Variants in ARHGAP39 observed in about 807,000 individuals in gnomAD.
ARHGAP39 encodes Rho GTPase activating protein 39, also known as rho GTPase-activating protein 39.
Under a neutral mutation model 106.9 loss-of-function variants are expected in ARHGAP39, and 44 were observed. The observed-to-expected ratio is 0.41, with a 90% CI of 0.32 to 0.53. ARHGAP39 has a LOEUF of 0.53. Ranked by LOEUF, ARHGAP39 falls within the 20% of genes least tolerant of loss-of-function variation. The pLI is 0.21. For missense variants in ARHGAP39, 1,496 were observed against 1,577.3 expected (o/e 0.95, Z 0.87); for synonymous variants, 768 against 693.2 (o/e 1.11, Z -1.69).
intron 3 of ARHGAP39, among the ~76,000 whole-genome samples, chr8:144,578,758 G>T (rs1416633270): frequency 6.6e-6 from 1 of 152,062 alleles, no homozygotes; most frequent in Non-Finnish European, 1.5e-5. Context: ...GTCTGAGGTG[G>T]GAGGTCACTG....
At chr8:144,572,996 T>G (rs1818638506) in intron 3 of ARHGAP39, among the ~76,000 whole-genome samples, 1 of 151,900 alleles carries the variant, frequency 6.6e-6, no homozygotes, top group African/African-American at 2.4e-5. Flanking sequence ...GATGTCCCAC[T>G]GTTGGTGGGA....
At chr8:144,650,126 G>C (rs113585468) in intron 1 of ARHGAP39, among the ~76,000 whole-genome samples, 21 of 151,736 alleles carry the variant, frequency 1.4e-4, no homozygotes, top group African/African-American at 4.4e-4. Flanking sequence ...CTGGGCAATA[G>C]AGCAAGACTC....
intron 1 of ARHGAP39, among the ~76,000 whole-genome samples, chr8:144,682,607 T>C (rs1047451979): frequency 4.6e-5 from 7 of 152,058 alleles, no homozygotes; most frequent in African/African-American, 1.7e-4. Flanking sequence ...GGCAGAATGT[T>C]ACACTGCTGG....
intron 1 of ARHGAP39, among the ~76,000 whole-genome samples, chr8:144,653,384 A>AT (rs1489399453): frequency 6.6e-6 from 1 of 152,220 alleles, no homozygotes; most frequent in Non-Finnish European, 1.5e-5. Context: ...CAGAAACTAC[A>AT]AACAGTAAAA....
At chr8:144,598,698 A>G (rs1819724450) in intron 2 of ARHGAP39, among the ~76,000 whole-genome samples, 2 of 152,236 alleles carry the variant, frequency 1.3e-5, no homozygotes, top group Non-Finnish European at 2.9e-5. Flanking sequence ...TCAGCCCATG[A>G]GCAGGTGCCA....
intron 8 of ARHGAP39, among the ~76,000 whole-genome samples, chr8:144,533,902 T>A (rs1335698793): frequency 1.3e-5 from 2 of 152,030 alleles, no homozygotes; most frequent in Non-Finnish European, 2.9e-5. Flanking sequence ...TTGCCTGCCT[T>A]GCTCCTGAGC....
chr8:144,673,192 G>C (rs1403571369), intron 1 of ARHGAP39, among the ~76,000 whole-genome samples: 1 of 151,160 alleles, frequency 6.6e-6, no homozygotes, highest in Non-Finnish European at 1.5e-5. Context: ...CCCCTAGCCT[G>C]GGTGATAGAT....
chr8:144,639,776 CAA>C (rs1821264954), intron 1 of ARHGAP39, among the ~76,000 whole-genome samples: 2 of 152,134 alleles, frequency 1.3e-5, no homozygotes, highest in Admixed American at 1.3e-4. Flanking sequence ...ACAGGCCTCT[CAA>C]TGTCACCCTG....
chr8:144,687,585 C>CT (rs1822644407), upstream of ARHGAP39, among the ~76,000 whole-genome samples: 5 of 75,450 alleles, frequency 6.6e-5, 1 homozygote, highest in Admixed American at 1.1e-4. Flanking sequence ...GTTCCCACCC[C>CT]GTGACCACAC....
At chr8:144,540,561 G>A (rs1817147713) in intron 6 of ARHGAP39, among the ~76,000 whole-genome samples, 1 of 152,206 alleles carries the variant, frequency 6.6e-6, no homozygotes, top group Admixed American at 6.5e-5. Flanking sequence ...AGCACTTTGG[G>A]AGGCTAAGGT....
At chr8:144,587,681 G>A (rs1190123484) in intron 2 of ARHGAP39, among the ~76,000 whole-genome samples, 1 of 149,656 alleles carries the variant, frequency 6.7e-6, no homozygotes, top group Non-Finnish European at 1.5e-5. Context: ...TTGAGACGGA[G>A]TCTCGCTCCG....
At chr8:144,680,010 C>T (rs768545359) in intron 1 of ARHGAP39, among the ~76,000 whole-genome samples, 8 of 152,154 alleles carry the variant, frequency 5.3e-5, no homozygotes, top group Non-Finnish European at 1.2e-4. Flanking sequence ...AATCTAAAGC[C>T]TTTAACTGGA....
intron 1 of ARHGAP39, among the ~76,000 whole-genome samples, chr8:144,633,912 T>C (rs1287230360): frequency 6.6e-6 from 1 of 152,210 alleles, no homozygotes; most frequent in African/African-American, 2.4e-5. Flanking sequence ...CCACATGAGA[T>C]TTAAAAAGAT....
At chr8:144,638,904 C>T (rs1821240983) in intron 1 of ARHGAP39, among the ~76,000 whole-genome samples, 1 of 152,234 alleles carries the variant, frequency 6.6e-6, no homozygotes, top group Non-Finnish European at 1.5e-5. Context: ...TTCACCCATT[C>T]CCTGTGAGTC....
Position 144,532,056 on chromosome 8 carries a change from G to A in ARHGAP39, c.2980+249C>T, listed in dbSNP as rs369357922. 5.6e-5 allele frequency among the ~76,000 whole-genome samples: 8 copies of A among 142,852 alleles called. 1 individual carries two copies. The highest frequency in any genetic ancestry group is 2.0e-4 in the East Asian group (1 of 5,128). 93.7% of individuals were successfully genotyped at this position (142,852 alleles called of 152,430 possible). On this transcript the variant is annotated intron_variant, in intron 10 of 11. Coordinates refer to ENST00000377307, the MANE Select transcript of ARHGAP39 (RefSeq NM_025251.3). ...GGAGTAGGCTAGACATAGCAGGCAC[G>A]GCAGAAGGGCACAGGGCAGGGAGCA... is the stretch of plus-strand genomic sequence containing the variant.
chr8:144,682,759 C>T lies in ARHGAP39; in HGVS notation c.-82+2927G>A, dbSNP rs533127909. ...GGCACAGTGACTCATGCCTGTAATCCCAATACTTTGGGAAGCCAAGGCAAG... is the reference window on the plus strand; with the variant it reads ...GGCACAGTGACTCATGCCTGTAATCTCAATACTTTGGGAAGCCAAGGCAAG... On this transcript the variant is annotated intron_variant, in intron 1 of 11. Coordinates refer to ENST00000377307, the MANE Select transcript of ARHGAP39 (RefSeq NM_025251.3). Among the ~76,000 whole-genome samples, 22 of 152,220 alleles carry T rather than the reference C, an allele frequency of 1.4e-4. No individual in the cohort carries two copies. The South Asian group carries it at 4.4e-3, about 30-fold the overall frequency.
chr8:144,570,300 T>C (rs1341853208), intron 3 of ARHGAP39, among the ~76,000 whole-genome samples: 1 of 152,196 alleles, frequency 6.6e-6, no homozygotes, highest in Non-Finnish European at 1.5e-5. Context: ...TAAATCCTCT[T>C]GTTGCATCAG....
In ARHGAP39 at chr8:144,530,502, C is replaced by T. The variant is rs1447956414; in HGVS notation, c.3265G>A (p.Glu1089Lys). The change falls in exon 12 of 12, where the codon GAG becomes AAG. Residue 1089 changes from glutamate (E) to lysine (K), a missense_variant. Coordinates refer to ENST00000377307, the MANE Select transcript of ARHGAP39 (RefSeq NM_025251.3). ...CQSDDPRVIF[E>K]NTRKEMSFLR... ...AAGGACATCTCCTTGCGGGTGTTCT[C>T]GAAGATGACGCGCGGGTCGTCGGAC... 2 of 1,611,878 alleles carry T rather than the reference C, an allele frequency of 1.2e-6. No individual in the cohort carries two copies. Among genetic ancestry groups the T allele is most frequent in the East Asian group, 2.2e-5 (1 of 44,824 alleles).
intron 7 of ARHGAP39, among the ~76,000 whole-genome samples, chr8:144,537,479 C>G (rs899877148): frequency 1.3e-5 from 2 of 152,144 alleles, no homozygotes; most frequent in Non-Finnish European, 2.9e-5. Context: ...CCATCAAGAA[C>G]CCAGCAAGCA....
Sources: allele counts gnomAD v4.1 joint callset (sites outside exome capture counted in the v4.1 genomes callset), GRCh38; gene constraint gnomAD v4.1.1; transcripts MANE v1.5; gene names NCBI Gene and HGNC (gene_info 2026-07-23, HGNC 2026-07-21).